Variants in BBOX1 observed in about 807,000 individuals in gnomAD.
BBOX1 encodes gamma-butyrobetaine dioxygenase.
Under a neutral mutation model 41.6 loss-of-function variants are expected in BBOX1, and 35 were observed. The observed-to-expected ratio is 0.84, with a 90% CI of 0.64 to 1.11. The LOEUF (loss-of-function observed/expected upper bound fraction) is 1.11. Ranked by LOEUF, BBOX1 falls within the 50% of genes most tolerant of loss-of-function variation. The pLI is 0.00. For missense variants in BBOX1, 458 were observed against 460.6 expected (o/e 0.99, Z 0.05); for synonymous variants, 163 against 154.7 (o/e 1.05, Z -0.40).
At chr11:27,123,093 A>G (rs187145562) in intron 7 of BBOX1, among the ~76,000 whole-genome samples, 4 of 152,200 alleles carry the variant, frequency 2.6e-5, no homozygotes, top group Non-Finnish European at 5.9e-5. Context: ...TGTCCCCTCT[A>G]TATCTTACAA....
At chr11:27,100,775 T>C (rs17309656) in intron 5 of BBOX1, among the ~76,000 whole-genome samples, 24,021 of 152,028 alleles carry the variant, frequency 0.16, 2,244 homozygotes, top group Middle Eastern at 0.24. Context: ...CTCATGCTCT[T>C]TTAGAAATCA....
At chr11:27,074,462 G>A (rs1054521245) in intron 4 of BBOX1, among the ~76,000 whole-genome samples, 1 of 152,098 alleles carries the variant, frequency 6.6e-6, no homozygotes. Flanking sequence ...CCAAAATGCT[G>A]ATAGTGATAT....
chr11:27,074,836 T>G (rs1857582427), intron 4 of BBOX1, among the ~76,000 whole-genome samples: 1 of 152,198 alleles, frequency 6.6e-6, no homozygotes, highest in Admixed American at 6.5e-5. Context: ...TATCTCCCAT[T>G]CAGGCCACAA....
rs1857462205 is a variant in BBOX1 at position 27,071,914 on chromosome 11, C to T, written c.334+14599C>T. Among the ~76,000 whole-genome samples, 5 of 152,066 alleles carry T rather than the reference C, an allele frequency of 3.3e-5. No homozygotes were observed. In the South Asian group the frequency reaches 8.3e-4, roughly 25 times the overall value. On this transcript the variant is annotated intron_variant, in intron 4 of 8. Transcript: ENST00000263182. ...CTCAATAAATTAGGTATTGATGGGA[C>T]ATATCTCAAAATAATAAGAGCTATT...
intron 2 of BBOX1, among the ~76,000 whole-genome samples, chr11:27,045,147 C>G (rs1221724953): frequency 6.6e-6 from 1 of 151,914 alleles, no homozygotes; most frequent in Non-Finnish European, 1.5e-5. Context: ...CCTTCACATC[C>G]CTTCTAACTT....
chr11:27,119,190 T>C (rs2134103775), intron 6 of BBOX1, among the ~76,000 whole-genome samples: 1 of 152,182 alleles, frequency 6.6e-6, no homozygotes, highest in South Asian at 2.1e-4. Flanking sequence ...TGCACATCAT[T>C]ATTTCTGTCA....
At chr11:27,073,824 A>G (rs1166055585) in intron 4 of BBOX1, among the ~76,000 whole-genome samples, 1 of 151,856 alleles carries the variant, frequency 6.6e-6, no homozygotes, top group Non-Finnish European at 1.5e-5. Flanking sequence ...AAAAAACCAA[A>G]CACTTGCATG....
intron 4 of BBOX1, among the ~76,000 whole-genome samples, chr11:27,059,879 G>C (rs1437187052): frequency 6.6e-6 from 1 of 152,162 alleles, no homozygotes; most frequent in Non-Finnish European, 1.5e-5. Flanking sequence ...TTATATCTTG[G>C]AAGTACATAA....
At chr11:27,116,168 G>T (rs1352648216) in intron 6 of BBOX1, among the ~76,000 whole-genome samples, 1 of 151,950 alleles carries the variant, frequency 6.6e-6, no homozygotes, top group African/African-American at 2.4e-5. Context: ...CATGTCTTTT[G>T]CAGGGACATG....
chr11:27,050,353 C>T (rs1200713121), intron 2 of BBOX1, among the ~76,000 whole-genome samples: 4 of 152,086 alleles, frequency 2.6e-5, no homozygotes, highest in African/African-American at 7.2e-5. Flanking sequence ...TGGTTCCATA[C>T]ATATTTTAGA....
At chr11:27,107,926 T>C (rs910403187) in intron 5 of BBOX1, among the ~76,000 whole-genome samples, 1 of 152,112 alleles carries the variant, frequency 6.6e-6, no homozygotes, top group African/African-American at 2.4e-5. Flanking sequence ...TTCATTTCTA[T>C]GACAAGGTAG....
At position 27,093,563 on chromosome 11, in the gene BBOX1, C is replaced by G. The variant is rs146326450; in HGVS notation, c.533+197C>G. ...TAAGAGACCAAAAGCCCAAAGACAC[C>G]AGGCACCAAAGACATCAGGCTAGTT... On this transcript the variant is annotated intron_variant, in intron 5 of 8. Coordinates refer to ENST00000263182, the MANE Select transcript of BBOX1 (RefSeq NM_003986.3). Among the ~76,000 whole-genome samples, 14 of 152,038 alleles carry G rather than the reference C, an allele frequency of 9.2e-5. No individual in the cohort carries two copies. In the East Asian group the frequency reaches 2.1e-3, roughly 23 times the overall value.
chr11:27,053,099 G>A (rs1856864957), intron 2 of BBOX1, among the ~76,000 whole-genome samples: 1 of 151,974 alleles, frequency 6.6e-6, no homozygotes, highest in Non-Finnish European at 1.5e-5. Flanking sequence ...AGGTGAAACC[G>A]ATATGCATTC....
In BBOX1 at chr11:27,115,577, T is replaced by A; in HGVS notation, c.639+20T>A. On this transcript the variant is annotated intron_variant, in intron 6 of 8. Coordinates refer to ENST00000263182, the MANE Select transcript of BBOX1 (RefSeq NM_003986.3). ...CCTGGGGTAAGTGAGCTTCAACATA[T>A]TTTCCACAAAGCATGATGATGACCA... is the stretch of plus-strand genomic sequence containing the variant. 6.3e-7 allele frequency: 1 copy of A among 1,582,114 alleles called. No individual in the cohort carries two copies. Among genetic ancestry groups the A allele is most frequent in the South Asian group, 1.1e-5 (1 of 89,430 alleles).
intron 2 of BBOX1, among the ~76,000 whole-genome samples, chr11:27,049,804 G>A (rs768830197): frequency 7.2e-5 from 11 of 151,944 alleles, no homozygotes; most frequent in Non-Finnish European, 1.5e-4. Flanking sequence ...TCATTTTTTA[G>A]GCTGTCTCCT....
intron 4 of BBOX1, among the ~76,000 whole-genome samples, chr11:27,083,560 G>C (rs1857929328): frequency 6.6e-6 from 1 of 151,848 alleles, no homozygotes; most frequent in African/African-American, 2.4e-5. Flanking sequence ...TTCAGAATTT[G>C]GCATAAATAG....
At chr11:27,084,699 A>G (rs1857972437) in intron 4 of BBOX1, among the ~76,000 whole-genome samples, 1 of 152,104 alleles carries the variant, frequency 6.6e-6, no homozygotes, top group Non-Finnish European at 1.5e-5. Context: ...ACACATTGCA[A>G]CCCAGCATGC....
At chr11:27,074,680 G>A (rs796313747) in intron 4 of BBOX1, among the ~76,000 whole-genome samples, 4 of 152,202 alleles carry the variant, frequency 2.6e-5, no homozygotes, top group African/African-American at 9.6e-5. Context: ...TGACCTGGCT[G>A]TTTATAAAAG....
At chr11:27,124,948 C>A (rs1227852808) in intron 7 of BBOX1, among the ~76,000 whole-genome samples, 1 of 152,126 alleles carries the variant, frequency 6.6e-6, no homozygotes, top group Non-Finnish European at 1.5e-5. Context: ...AACCTTAGTG[C>A]CCTCCCAAGG....
Sources: gnomAD v4.1 joint callset for allele counts (sites outside exome capture counted in the v4.1 genomes callset) on GRCh38, gnomAD v4.1.1 for gene constraint, MANE v1.5 for transcripts, NCBI Gene and HGNC (gene_info 2026-07-23, HGNC 2026-07-21) for gene names.